Variants in ANKRD42 observed in about 807,000 individuals in gnomAD.
ANKRD42 encodes the protein ankyrin repeat domain-containing protein 42.
Under a neutral mutation model 51.5 loss-of-function variants are expected in ANKRD42, and 43 were observed. The ratio of observed to expected loss-of-function variants is 0.83; its 90% CI spans 0.65 to 1.08. The LOEUF is 1.08. Among genes scored for constraint, ANKRD42 ranks in the 50% least tolerant of loss-of-function variants. ANKRD42 has a pLI of 0.00. For missense variants in ANKRD42, 608 were observed against 629.3 expected, an observed-to-expected ratio of 0.97 and a Z score of 0.36; for synonymous variants, 203 against 213.0, an observed-to-expected ratio of 0.95 and a Z score of 0.41.
chr11:83,197,490 T>G (rs1861703416), intron 1 of ANKRD42, among the ~76,000 whole-genome samples: 1 of 152,226 alleles, frequency 6.6e-6, no homozygotes, highest in African/African-American at 2.4e-5. Context: ...ATTTTTGCCC[T>G]TAAGAAATTA....
Position 83,194,129 on chromosome 11 carries a change from G to A in ANKRD42, c.-542G>A, listed in dbSNP as rs1321386368. On this transcript the variant is annotated 5_prime_UTR_variant, in exon 1 of 11. Coordinates refer to ENST00000533342, the MANE Select transcript of ANKRD42 (RefSeq NM_001300975.2). The stretch of plus-strand genomic sequence containing the variant: ...CACAGCTGCTCTTGGGAGAGAGTTA[G>A]GGGAGACAGCACCTTCTGCAGCAGC... 1 of 456,664 alleles carries A rather than the reference G, an allele frequency of 2.2e-6. No individual in the cohort carries two copies. The highest frequency in any genetic ancestry group is 2.3e-5 in the Admixed American group (1 of 42,582). The allele number at this position is 456,664 out of a possible 1,614,324, so 28.3% of individuals were successfully genotyped here. A position where few individuals can be genotyped will look rare whatever the true frequency, so the allele number is the denominator to read the frequency against.
At chr11:83,220,027 C>T (rs539801944) in intron 5 of ANKRD42, among the ~76,000 whole-genome samples, 47 of 152,360 alleles carry the variant, frequency 3.1e-4, no homozygotes, top group Non-Finnish European at 5.7e-4. Flanking sequence ...AGCCGGCAGA[C>T]ATTAGCATCC....
chr11:83,194,623 A>C lies in ANKRD42; in HGVS notation c.-48A>C. On this transcript the variant is annotated 5_prime_UTR_variant, in exon 1 of 11. Transcript: ENST00000533342. ...GAGAGCAAGTGAAGACCGCCGCAGCATCAGGGGCCTGGACTCAACTCCTCC... is the reference window on the plus strand; with the variant it reads ...GAGAGCAAGTGAAGACCGCCGCAGCCTCAGGGGCCTGGACTCAACTCCTCC... The C allele has an allele frequency of 6.2e-7, 1 of 1,600,110 alleles. No homozygotes were observed. The highest frequency in any genetic ancestry group is 8.6e-7 in the Non-Finnish European group (1 of 1,169,130).
intron 9 of ANKRD42, among the ~76,000 whole-genome samples, chr11:83,243,899 C>T (rs1306971707): frequency 1.3e-5 from 2 of 149,344 alleles, no homozygotes; most frequent in African/African-American, 4.9e-5. Context: ...CTCCTGACCT[C>T]GTGATCTGCC....
chr11:83,206,785 A>G (rs191104845), intron 3 of ANKRD42, among the ~76,000 whole-genome samples: 24 of 152,360 alleles, frequency 1.6e-4, no homozygotes, highest in Middle Eastern at 3.4e-3. Context: ...TAGTAGTCCA[A>G]ACAGACTAAG....
chr11:83,245,664 C>T, intron 10 of ANKRD42, 40 bp downstream of exon 10: 1 of 1,512,828 alleles, frequency 6.6e-7, no homozygotes. Flanking sequence ...TTTTAAATAC[C>T]TCTCTAAATG....
chr11:83,250,096 A>G (rs1013643645), downstream of ANKRD42, among the ~76,000 whole-genome samples: 1 of 152,188 alleles, frequency 6.6e-6, no homozygotes, highest in Non-Finnish European at 1.5e-5. Flanking sequence ...GAGTCTAATT[A>G]TATGTAATGT....
At position 83,224,945 on chromosome 11, in the gene ANKRD42, A is replaced by G. The variant is rs376999354; in HGVS notation, c.677A>G (p.Asn226Ser). Residue 226 changes from asparagine (N) to serine (S), a missense_variant, in exon 6 of 11, where the codon AAT becomes AGT. Transcript: ENST00000533342. ...GCGACGCAAGTTTTAAAAGCTTTCA[A>G]TGATAATGGAGAAAATGTACTGGAT... ...SSATQVLKAF[N>S]DNGENVLDLA... The G allele has an allele frequency of 7.0e-5, 113 of 1,613,646 alleles. No homozygotes were observed. The highest frequency in any genetic ancestry group is 2.3e-4 in the Admixed American group (14 of 60,022).
intron 7 of ANKRD42, among the ~76,000 whole-genome samples, chr11:83,231,141 C>A (rs181618436): frequency 6.6e-6 from 1 of 152,220 alleles, no homozygotes; most frequent in Non-Finnish European, 1.5e-5. Flanking sequence ...CCAAACTGTT[C>A]TTCATAGTGG....
At chr11:83,243,155 A>T (rs946291451) in intron 9 of ANKRD42, among the ~76,000 whole-genome samples, 1 of 152,140 alleles carries the variant, frequency 6.6e-6, no homozygotes, top group Non-Finnish European at 1.5e-5. Context: ...TGACTTTTTA[A>T]TAATAGCCAT....
At chr11:83,207,455 G>A (rs1436311612) in intron 3 of ANKRD42, among the ~76,000 whole-genome samples, 1 of 152,174 alleles carries the variant, frequency 6.6e-6, no homozygotes, top group Admixed American at 6.5e-5. Flanking sequence ...GAAGAATTGT[G>A]TAATTTAGGA....
downstream of ANKRD42, chr11:83,259,300 T>G (rs981398446): frequency 5.3e-5 from 8 of 152,280 alleles, no homozygotes; most frequent in Non-Finnish European, 1.0e-4. Context: ...TTTCCATCAC[T>G]GAAACAAAAA....
chr11:83,231,443 T>A (rs990236483), intron 7 of ANKRD42, among the ~76,000 whole-genome samples: 11 of 152,194 alleles, frequency 7.2e-5, no homozygotes, highest in African/African-American at 2.7e-4. Context: ...GAGTTTCTTA[T>A]GTATTTTGGT....
At chr11:83,260,103 G>T (rs1420159707), downstream of ANKRD42, 1 of 152,228 alleles carries the variant, frequency 6.6e-6, no homozygotes, top group Non-Finnish European at 1.5e-5. Flanking sequence ...GTGGATAAGG[G>T]GATGAAGAGT....
intron 5 of ANKRD42, among the ~76,000 whole-genome samples, chr11:83,217,473 G>A (rs755973064): frequency 1.3e-5 from 2 of 152,188 alleles, no homozygotes; most frequent in Admixed American, 6.5e-5. Flanking sequence ...CCTAAGATTC[G>A]TCGGATAGTA....
At chr11:83,197,432 T>C (rs1171826589) in intron 1 of ANKRD42, among the ~76,000 whole-genome samples, 1 of 152,230 alleles carries the variant, frequency 6.6e-6, no homozygotes, top group Non-Finnish European at 1.5e-5. Flanking sequence ...AATTAGAGTA[T>C]ATAAAAAGAT....
intron 8 of ANKRD42, among the ~76,000 whole-genome samples, chr11:83,238,758 A>C (rs148361068): frequency 0.015 from 2,281 of 151,618 alleles, 62 homozygotes; most frequent in African/African-American, 0.052. Context: ...TGAACCTGGG[A>C]GGTGGAGGTT....
At chr11:83,227,224 T>C (rs1018846836) in intron 6 of ANKRD42, among the ~76,000 whole-genome samples, 4 of 152,170 alleles carry the variant, frequency 2.6e-5, no homozygotes, top group Non-Finnish European at 5.9e-5. Flanking sequence ...GTGATTCTCC[T>C]GCCTCAGCCT....
chr11:83,214,107 T>G (rs1477724969), intron 5 of ANKRD42: 1 of 152,304 alleles, frequency 6.6e-6, no homozygotes, highest in Non-Finnish European at 1.5e-5. Flanking sequence ...GCCACGCTGG[T>G]CTTGAACTCC....
Sources: gnomAD v4.1 joint callset for allele counts (sites outside exome capture counted in the v4.1 genomes callset) on GRCh38, gnomAD v4.1.1 for gene constraint, MANE v1.5 for transcripts, NCBI Gene and HGNC (gene_info 2026-07-23, HGNC 2026-07-21) for gene names.